Variants in TPH1 observed in about 807,000 individuals in gnomAD.
TPH1 encodes the protein tryptophan 5-hydroxylase 1.
TPH1 carries 37 observed loss-of-function variants against 49.5 expected under a neutral mutation model. That is an observed-to-expected ratio of 0.75 (90% CI 0.58 to 0.98). TPH1 has a LOEUF of 0.98. Ranked by LOEUF, TPH1 falls within the 50% of genes least tolerant of loss-of-function variation. The pLI, the probability that TPH1 is intolerant of heterozygous loss-of-function variation, is 0.00. For synonymous variants in TPH1, 160 were observed against 182.1 expected (o/e 0.88, Z 0.98); for missense variants, 487 against 523.6 (o/e 0.93, Z 0.68).
intron 3 of TPH1, among the ~76,000 whole-genome samples, chr11:18,035,470 A>G (rs1343212718): frequency 7.0e-6 from 1 of 143,418 alleles, no homozygotes; most frequent in African/African-American, 2.6e-5. Flanking sequence ...CTGTCACCCA[A>G]ACGGGAGTGC....
chr11:18,040,312 T>TTA (rs989378653), intron 2 of TPH1, among the ~76,000 whole-genome samples: 5 of 147,436 alleles, frequency 3.4e-5, no homozygotes, highest in Non-Finnish European at 6.0e-5. Context: ...TTACAATAAT[T>TTA]TATATATATA....
intron 2 of TPH1, among the ~76,000 whole-genome samples, chr11:18,038,559 G>T (rs907312980): frequency 6.6e-6 from 1 of 152,160 alleles, no homozygotes; most frequent in African/African-American, 2.4e-5. Context: ...AATGGAGATA[G>T]AATTCAAGAA....
At chr11:18,031,467 T>C (rs1398806533) in intron 4 of TPH1, among the ~76,000 whole-genome samples, 1 of 152,144 alleles carries the variant, frequency 6.6e-6, no homozygotes, top group Non-Finnish European at 1.5e-5. Context: ...TCAATTCTTT[T>C]AAGTATGTAC....
chr11:18,032,452 A>G (rs1261085243), intron 4 of TPH1, among the ~76,000 whole-genome samples: 1 of 150,080 alleles, frequency 6.7e-6, no homozygotes, highest in Non-Finnish European at 1.5e-5. Flanking sequence ...TGGGACAGAT[A>G]TTTTGGAACA....
intron 4 of TPH1, among the ~76,000 whole-genome samples, chr11:18,030,241 T>G (rs1847974097): frequency 7.5e-6 from 1 of 133,438 alleles, no homozygotes; most frequent in South Asian, 2.4e-4. Flanking sequence ...AGACCCTGTC[T>G]GTACAAAAAA....
At chr11:18,036,307 A>G (rs1848047945) in intron 2 of TPH1, among the ~76,000 whole-genome samples, 165 bp from the exon 3 acceptor site, 1 of 152,228 alleles carries the variant, frequency 6.6e-6, no homozygotes, top group Non-Finnish European at 1.5e-5. Context: ...TTCCTTCTTA[A>G]AAATTATGTA....
chr11:18,041,015 T>C, intron 1 of TPH1: 1 of 369,140 alleles, frequency 2.7e-6, no homozygotes, highest in Non-Finnish European at 5.0e-6. Flanking sequence ...CCTTTTGTTT[T>C]TTTTCTAAAC....
At chr11:18,023,164 C>T (rs1410471032) in intron 9 of TPH1, 1 of 496,574 alleles carries the variant, frequency 2.0e-6, no homozygotes, top group African/African-American at 1.9e-5. Context: ...TTCTTCCTCT[C>T]TTCTTTGTGT....
intron 2 of TPH1, among the ~76,000 whole-genome samples, chr11:18,038,745 G>A (rs1848070915): frequency 6.6e-6 from 1 of 152,118 alleles, no homozygotes; most frequent in African/African-American, 2.4e-5. Flanking sequence ...TATAGTACAG[G>A]TTGAGTTGTT....
chr11:18,025,655 G>C lies in TPH1; in HGVS notation c.850C>G (p.Pro284Ala). The change falls in exon 8 of 11, where the codon CCT becomes GCT. Residue 284 changes from proline to alanine, a missense_variant. Pro to Ala is a conservative substitution (Grantham distance 27). Coordinates refer to ENST00000682019, the MANE Select transcript of TPH1 (RefSeq NM_004179.3). ...LLGHVPLLAE[P>A]SFAQFSQEIG... ...TCTTGGGAGAATTGGGCAAAACTAG[G>C]TTCAGCCAAAAGCGGGACATGACCT... 6.2e-7 allele frequency: 1 copy of C among 1,614,034 alleles called. No individual in the cohort carries two copies. The highest frequency in any genetic ancestry group is 1.1e-5 in the South Asian group (1 of 91,082).
chr11:18,040,579 AT>A (rs1590268525), intron 2 of TPH1, 66 bp downstream of exon 2: 1 of 1,483,582 alleles, frequency 6.7e-7, no homozygotes, highest in East Asian at 2.3e-5. Flanking sequence ...GTTGCCCTAT[AT>A]TTTAAATATA....
Position 18,021,000 on chromosome 11 carries a change from C to T in TPH1, c.1326G>A (p.Pro442=), listed in dbSNP as rs745308057. The change falls in exon 11 of 11, where the codon CCG becomes CCA. Residue 442 remains proline (P), a synonymous_variant. Transcript: ENST00000682019. ...GGATGACTGGCTACTGTTAGATACT[C>T]GGCTTCCTGCTGACCTTAGCAAGGG... is the stretch of plus-strand genomic sequence containing the variant. The part of the protein sequence containing the change: ...SDALAKVSRK[P]SI The T allele has an allele frequency of 8.7e-6, 14 of 1,613,804 alleles. No individual in the cohort carries two copies. The highest frequency in any genetic ancestry group is 3.3e-5 in the South Asian group (3 of 91,046).
chr11:18,026,503 A>G lies in TPH1; in HGVS notation c.790T>C (p.Tyr264His). The change falls in exon 7 of 11, where the codon TAT becomes CAT. Residue 264 changes from tyrosine to histidine, a missense_variant. Physicochemically the swap from Tyr to His is moderately conservative, Grantham distance 83. Coordinates refer to ENST00000682019, the MANE Select transcript of TPH1 (RefSeq NM_004179.3). ...AGAAGTACTTACGGCTCTGGGGTATAGAAGGGATCTGAACTGTGTCTCACA... is the reference window on the plus strand; with the variant it reads ...AGAAGTACTTACGGCTCTGGGGTATGGAAGGGATCTGAACTGTGTCTCACA... ...QYVRHSSDPFYTPEPDTCHEL... is the reference protein window; with the variant it reads ...QYVRHSSDPFHTPEPDTCHEL... 1 of 1,613,244 alleles carries G rather than the reference A, an allele frequency of 6.2e-7. No individual in the cohort carries two copies. Among genetic ancestry groups the G allele is most frequent in the Non-Finnish European group, 8.5e-7 (1 of 1,179,580 alleles).
At chr11:18,035,004 C>T (rs1275796472) in intron 3 of TPH1, among the ~76,000 whole-genome samples, 1 of 152,220 alleles carries the variant, frequency 6.6e-6, no homozygotes, top group African/African-American at 2.4e-5. Context: ...AAGAAGCACA[C>T]AACCTAGATC....
chr11:18,035,277 G>T (rs562722820), intron 3 of TPH1, among the ~76,000 whole-genome samples: 80 of 152,302 alleles, frequency 5.3e-4, no homozygotes, highest in African/African-American at 1.9e-3. Context: ...TGAATTATAG[G>T]TTTGTCAAAT....
At chr11:18,043,129 C>T (rs919080026) in intron 1 of TPH1, among the ~76,000 whole-genome samples, 3 of 152,158 alleles carry the variant, frequency 2.0e-5, no homozygotes, top group Admixed American at 6.5e-5. Context: ...AAGCTATTTC[C>T]TGGCCAACCA....
At chr11:18,032,913 T>G (rs996740927) in intron 4 of TPH1, among the ~76,000 whole-genome samples, 1 of 152,164 alleles carries the variant, frequency 6.6e-6, no homozygotes, top group African/African-American at 2.4e-5. Flanking sequence ...TCTAAAAAAG[T>G]TGCCCTTAAT....
intron 6 of TPH1, among the ~76,000 whole-genome samples, chr11:18,027,870 T>C (rs1199804844): frequency 6.6e-6 from 1 of 152,254 alleles, no homozygotes; most frequent in African/African-American, 2.4e-5. Context: ...TTGTAGAAAC[T>C]GTATTGCTCT....
Position 18,026,535 on chromosome 11 carries a change from G to C in TPH1, c.758C>G (p.Thr253Ser). The change falls in exon 7 of 11, where the codon ACT becomes AGT. Residue 253 changes from threonine to serine, a missense_variant. Physicochemically the swap from Thr to Ser is moderately conservative, Grantham distance 58. Coordinates refer to ENST00000682019, the MANE Select transcript of TPH1 (RefSeq NM_004179.3). ...SGLAFRVFHC[T>S]QYVRHSSDPF... ...ATCTGAACTGTGTCTCACATATTGA[G>C]TGCAGTGAAAAACTCGAAAGGCTAA... 2 of 1,613,666 alleles carry C rather than the reference G, an allele frequency of 1.2e-6. No individual in the cohort carries two copies.
Sources: gnomAD v4.1 joint callset for allele counts (sites outside exome capture counted in the v4.1 genomes callset) on GRCh38, gnomAD v4.1.1 for gene constraint, MANE v1.5 for transcripts, NCBI Gene and HGNC (gene_info 2026-07-23, HGNC 2026-07-21) for gene names.